CXADR: variants seen among roughly 807,000 people sequenced by gnomAD.
The protein encoded by CXADR is CXADR cell adhesion molecule.
CXADR carries 20 observed loss-of-function variants against 40.3 expected under a neutral mutation model. That is an observed-to-expected ratio of 0.50 (90% confidence interval 0.35 to 0.72). CXADR has a LOEUF of 0.72. Among genes scored for constraint, CXADR ranks in the 30% least tolerant of loss-of-function variants. The pLI, the probability that CXADR is intolerant of heterozygous loss-of-function variation, is 0.01. For missense variants in CXADR, 332 were observed against 449.1 expected (o/e 0.74, Z 2.36); for synonymous variants, 150 against 161.3 (o/e 0.93, Z 0.53).
chr21:17,596,066 T>A (rs1376952878), downstream of CXADR, among the ~76,000 whole-genome samples: 1 of 152,076 alleles, frequency 6.6e-6, no homozygotes, highest in African/African-American at 2.4e-5. Context: ...TTTATTCACA[T>A]CTTTTGCTCC....
the CXADR span, among the ~76,000 whole-genome samples, chr21:17,622,056 A>G: frequency 6.6e-6 from 1 of 152,216 alleles, no homozygotes; most frequent in South Asian, 2.1e-4. Flanking sequence ...ACTGGTAGAA[A>G]GGGAGAAGGC....
chr21:17,519,102 C>A (rs922889285), intron 1 of CXADR: 1 of 803,808 alleles, frequency 1.2e-6, no homozygotes, highest in Admixed American at 2.1e-5. Context: ...TGCGATTATA[C>A]CACCATCAGA....
chr21:17,579,307 T>C (rs1470117061), intron 7 of CXADR, among the ~76,000 whole-genome samples: 2 of 151,436 alleles, frequency 1.3e-5, no homozygotes. Flanking sequence ...TTTTTTGAGA[T>C]GGAGTCTCAC....
At chr21:17,576,603 G>A (rs938676222) in intron 7 of CXADR, among the ~76,000 whole-genome samples, 2 of 152,018 alleles carry the variant, frequency 1.3e-5, no homozygotes, top group South Asian at 2.1e-4. Flanking sequence ...CTGTTACTTC[G>A]GTGTAATTGA....
At chr21:17,516,859 T>C (rs1229020236) in intron 1 of CXADR, among the ~76,000 whole-genome samples, 7 of 152,226 alleles carry the variant, frequency 4.6e-5, no homozygotes, top group African/African-American at 1.7e-4. Flanking sequence ...CATATGTTAA[T>C]TCCCTGGATT....
chr21:17,608,159 AGTTT>A, the CXADR span, among the ~76,000 whole-genome samples: 1 of 152,164 alleles, frequency 6.6e-6, no homozygotes, highest in Non-Finnish European at 1.5e-5. Context: ...TGAGGCCAGG[AGTTT>A]GAAACTCACC....
chr21:17,564,683 A>G (rs1271535273), intron 6 of CXADR, among the ~76,000 whole-genome samples: 3 of 152,096 alleles, frequency 2.0e-5, no homozygotes, highest in Admixed American at 1.3e-4. Flanking sequence ...AGATAACTTT[A>G]ATATAAAAAG....
intron 1 of CXADR, among the ~76,000 whole-genome samples, chr21:17,543,891 A>G (rs1237987864): frequency 2.0e-5 from 3 of 152,174 alleles, no homozygotes; most frequent in Admixed American, 6.5e-5. Context: ...GGCCAGGCAC[A>G]GTGGCTCAAG....
At chr21:17,592,638 CCTTTTTTT>C (rs1471622260) in intron 7 of CXADR, among the ~76,000 whole-genome samples, 1 of 151,306 alleles carries the variant, frequency 6.6e-6, no homozygotes, top group Non-Finnish European at 1.5e-5. Flanking sequence ...ATTTTTTTTT[CCTTTTTTT>C]CTTTCAATAA....
chr21:17,520,762 ATAG>A (rs372288718), intron 1 of CXADR, among the ~76,000 whole-genome samples: 1 of 152,184 alleles, frequency 6.6e-6, no homozygotes, highest in South Asian at 2.1e-4. Context: ...TCTGAAGAAG[ATAG>A]TAGTGGAACC....
chr21:17,528,090 T>TC (rs1461024697), intron 1 of CXADR, among the ~76,000 whole-genome samples: 4 of 130,022 alleles, frequency 3.1e-5, no homozygotes, highest in African/African-American at 1.2e-4. Context: ...TTTTTTTTTT[T>TC]TGAGACAGAG....
At chr21:17,526,721 G>A (rs1447955602) in intron 1 of CXADR, among the ~76,000 whole-genome samples, 4 of 152,114 alleles carry the variant, frequency 2.6e-5, no homozygotes, top group African/African-American at 9.7e-5. Flanking sequence ...TTTTCTATAA[G>A]GAAATACACT....
downstream of CXADR, among the ~76,000 whole-genome samples, chr21:17,595,299 G>C (rs2061490266): frequency 6.6e-6 from 1 of 151,812 alleles, no homozygotes; most frequent in Non-Finnish European, 1.5e-5. Flanking sequence ...TCTAAGTATA[G>C]GATTTTTTTA....
chr21:17,600,860 A>AC, the CXADR span, among the ~76,000 whole-genome samples: 1 of 152,008 alleles, frequency 6.6e-6, no homozygotes, highest in African/African-American at 2.4e-5. Context: ...TTTTTAGTTT[A>AC]CCTCATAAAA....
intron 2 of CXADR, among the ~76,000 whole-genome samples, 188 bp from the exon 3 acceptor site, chr21:17,551,561 T>G (rs2060968863): frequency 1.3e-5 from 2 of 152,318 alleles, no homozygotes; most frequent in South Asian, 4.1e-4. Context: ...AAGGATCACA[T>G]TGATTCCTTT....
chr21:17,613,858 T>G, the CXADR span: 1 of 152,184 alleles, frequency 6.6e-6, no homozygotes, highest in Admixed American at 6.5e-5. Flanking sequence ...TTTTTATTAT[T>G]ATTATTAAAA....
the CXADR span, among the ~76,000 whole-genome samples, chr21:17,621,339 G>A: frequency 1.3e-5 from 2 of 152,146 alleles, no homozygotes; most frequent in Non-Finnish European, 2.9e-5. Flanking sequence ...CAGTTGTGTG[G>A]TAGTGAGGAT....
At chr21:17,572,787 G>GTT (rs2061289653), downstream of CXADR, among the ~76,000 whole-genome samples, 1 of 151,840 alleles carries the variant, frequency 6.6e-6, no homozygotes, top group Admixed American at 6.6e-5. Context: ...AAAATTTGTT[G>GTT]TTTAATTTTG....
At chr21:17,633,785 A>G in the CXADR span, among the ~76,000 whole-genome samples, 1 of 152,156 alleles carries the variant, frequency 6.6e-6, no homozygotes, top group Non-Finnish European at 1.5e-5. Flanking sequence ...CCTAAAAATT[A>G]TCTATTCTTC....
Sources: allele counts gnomAD v4.1 joint callset (sites outside exome capture counted in the v4.1 genomes callset), GRCh38; gene constraint gnomAD v4.1.1; transcripts MANE v1.5; gene names NCBI Gene and HGNC (gene_info 2026-07-23, HGNC 2026-07-21).